The following PRDX5 variants were observed in gnomAD, a reference collection of about 807,000 sequenced individuals.
PRDX5 encodes the protein peroxiredoxin 5, also known as peroxiredoxin-5, mitochondrial.
In PRDX5, 21 loss-of-function variants were observed where a neutral mutation model predicts 23.8. The ratio of observed to expected loss-of-function variants is 0.88; its 90% confidence interval spans 0.63 to 1.27. The LOEUF (loss-of-function observed/expected upper bound fraction) is 1.27, where lower values mean the gene tolerates loss of function less well. PRDX5 is among the 50% of genes most tolerant of loss of function. PRDX5 has a pLI of 0.00. For synonymous variants in PRDX5, 111 were observed against 113.3 expected (o/e 0.98, Z 0.13); for missense variants, 261 against 270.6 (o/e 0.96, Z 0.25).
At chr11:64,320,828 T>C (rs1822843152) in intron 3 of PRDX5, 36 bp downstream of exon 3, 4 of 1,614,106 alleles carry the variant, frequency 2.5e-6, no homozygotes, top group Middle Eastern at 1.6e-4. Context: ...CAGGACCAGG[T>C]AGGATATTCT....
intron 4 of PRDX5, 50 bp from the exon 5 acceptor site, chr11:64,320,957 G>T: frequency 1.2e-6 from 2 of 1,614,038 alleles, no homozygotes; most frequent in Non-Finnish European, 1.7e-6. Flanking sequence ...AGCAGTGGGG[G>T]CCCTTAGCCT....
intron 1 of PRDX5, among the ~76,000 whole-genome samples, chr11:64,318,793 C>T (rs560296750): frequency 1.3e-5 from 2 of 151,944 alleles, no homozygotes; most frequent in African/African-American, 2.4e-5. Flanking sequence ...GACGGGATTT[C>T]ACCCCGTTGT....
At chr11:64,319,708 C>A (rs767401442) in intron 1 of PRDX5, 26 bp from the exon 2 acceptor site, 3 of 1,608,768 alleles carry the variant, frequency 1.9e-6, no homozygotes, top group Non-Finnish European at 2.5e-6. Context: ...CCCTCACCCC[C>A]CTTACCCTGG....
chr11:64,319,722 C>A lies in PRDX5; in HGVS notation c.172-12C>A. 6.2e-7 allele frequency: 1 copy of A among 1,612,404 alleles called. No homozygotes were observed. Among genetic ancestry groups the A allele is most frequent in the Middle Eastern group, 1.7e-4 (1 of 6,012 alleles). ...TCCCTCACCCCCCTTACCCTGGAGT[C>A]CTTCCTTCTAGGTGGGAGATGCCAT... On this transcript the variant is annotated splice_polypyrimidine_tract_variant and intron_variant, in intron 1 of 5. Coordinates refer to ENST00000265462, the MANE Select transcript of PRDX5 (RefSeq NM_012094.5).
At chr11:64,319,684 G>A in intron 1 of PRDX5, 50 bp from the exon 2 acceptor site, 1 of 1,577,368 alleles carries the variant, frequency 6.3e-7, no homozygotes, top group Non-Finnish European at 8.6e-7. Context: ...TCCTGCCTCT[G>A]GTTTGCCCCG....
Position 64,321,717 on chromosome 11 carries a change from A to C in PRDX5, c.*26A>C. 2 of 1,541,138 alleles carry C rather than the reference A, an allele frequency of 1.3e-6. No individual in the cohort carries two copies. The highest frequency in any genetic ancestry group is 1.8e-6 in the Non-Finnish European group (2 of 1,141,298). On this transcript the variant is annotated 3_prime_UTR_variant, in exon 6 of 6. Coordinates refer to ENST00000265462, the MANE Select transcript of PRDX5 (RefSeq NM_012094.5). ...GGCCCTGGGCCAGATTACTTCCTCC[A>C]CCCCTCCCTATCTCACCTGCCCAGC... is the stretch of plus-strand genomic sequence containing the variant.
At chr11:64,318,508 C>A in intron 1 of PRDX5, 122 bp downstream of exon 1, 1 of 1,321,374 alleles carries the variant, frequency 7.6e-7, no homozygotes, top group Non-Finnish European at 1.0e-6. Context: ...GCCCGCCCGG[C>A]TCATCCCTTC....
intron 1 of PRDX5, among the ~76,000 whole-genome samples, 155 bp downstream of exon 1, chr11:64,318,541 C>T (rs2035388498): frequency 1.3e-5 from 2 of 152,176 alleles, no homozygotes; most frequent in Admixed American, 6.5e-5. Context: ...TGGCTGCCCA[C>T]CTTTCTCGCC....
chr11:64,321,200 C>A, intron 5 of PRDX5, 132 bp downstream of exon 5: 1 of 1,079,744 alleles, frequency 9.3e-7, no homozygotes, highest in Non-Finnish European at 1.4e-6. Flanking sequence ...GTGGGAGAGT[C>A]GTCTGTGGGG....
At chr11:64,318,837 A>ACCCCCCCCCCCCCCCCCCC (rs374862180) in intron 1 of PRDX5, among the ~76,000 whole-genome samples, 33 of 77,432 alleles carry the variant, frequency 4.3e-4, no homozygotes, top group Admixed American at 6.5e-4. Context: ...CCTCAGGTGA[A>ACCCCCCCCCCCCCCCCCCC]CCCCCCCCGC....
chr11:64,318,837 A>ACCCCCCCCCCCCCCCCCCCCCC (rs374862180), intron 1 of PRDX5, among the ~76,000 whole-genome samples: 6 of 77,452 alleles, frequency 7.7e-5, no homozygotes, highest in Admixed American at 2.6e-4. Context: ...CCTCAGGTGA[A>ACCCCCCCCCCCCCCCCCCCCCC]CCCCCCCCGC....
In PRDX5 at chr11:64,321,581, G is replaced by T. The variant is rs770524201; in HGVS notation, c.540-5G>T. ...TGCAGCTGGCTGGGCCCCTCTTTCC[G>T]GCAGGTTCTCCATGGTGGTACAGGA... On this transcript the variant is annotated splice_region_variant and splice_polypyrimidine_tract_variant and intron_variant, in intron 5 of 5. Transcript: ENST00000265462. The T allele has an allele frequency of 1.2e-6, 2 of 1,611,904 alleles. No individual in the cohort carries two copies. Among genetic ancestry groups the T allele is most frequent in the African/African-American group, 2.7e-5 (2 of 74,830 alleles).
intron 1 of PRDX5, among the ~76,000 whole-genome samples, chr11:64,319,257 T>C (rs535524308): frequency 4.6e-5 from 7 of 152,108 alleles, no homozygotes; most frequent in African/African-American, 1.7e-4. Flanking sequence ...ACCTCCTGGG[T>C]GTAGGGGCCT....
chr11:64,318,975 C>A (rs963453094), intron 1 of PRDX5, among the ~76,000 whole-genome samples: 1 of 151,664 alleles, frequency 6.6e-6, no homozygotes, highest in African/African-American at 2.4e-5. Context: ...CCATCCCACT[C>A]CATGACCTCC....
chr11:64,320,279 A>G (rs907741346), intron 2 of PRDX5, among the ~76,000 whole-genome samples: 6 of 152,168 alleles, frequency 3.9e-5, no homozygotes, highest in African/African-American at 1.4e-4. Context: ...ACTCCGTCTC[A>G]AAATGAAAAA....
At chr11:64,320,965 C>T in intron 4 of PRDX5, 42 bp from the exon 5 acceptor site, 1 of 1,613,950 alleles carries the variant, frequency 6.2e-7, no homozygotes, top group Non-Finnish European at 8.5e-7. Flanking sequence ...GGGCCCTTAG[C>T]CTCTTCAAGG....
intron 5 of PRDX5, 79 bp downstream of exon 5, chr11:64,321,147 GGTCCTCTGTGGGAAGA>G: frequency 6.8e-7 from 1 of 1,470,116 alleles, no homozygotes; most frequent in Non-Finnish European, 9.4e-7. Flanking sequence ...CTGTGGAGAG[GGTCCTCTGTGGGAAGA>G]GTCGTCTGTG....
At chr11:64,321,444 G>C in intron 5 of PRDX5, 142 bp from the exon 6 acceptor site, 2 of 1,375,490 alleles carry the variant, frequency 1.5e-6, no homozygotes, top group Non-Finnish European at 2.0e-6. Flanking sequence ...CTGTGTGGTG[G>C]TGAGTCCTCT....
At chr11:64,320,013 C>T (rs2035448807) in intron 2 of PRDX5, 145 bp downstream of exon 2, 4 of 1,227,702 alleles carry the variant, frequency 3.3e-6, no homozygotes, top group Non-Finnish European at 4.4e-6. Flanking sequence ...GGCGCGGTGG[C>T]TCACGCCTGT....
Sources: gnomAD v4.1 joint callset for allele counts (sites outside exome capture counted in the v4.1 genomes callset) on GRCh38, gnomAD v4.1.1 for gene constraint, MANE v1.5 for transcripts, NCBI Gene and HGNC (gene_info 2026-07-23, HGNC 2026-07-21) for gene names.